NSMF: variants seen among roughly 807,000 people sequenced by gnomAD.
The protein encoded by NSMF is NMDA receptor synaptonuclear signaling and neuronal migration factor.
A neutral mutation model predicts 71.0 loss-of-function variants in NSMF; 31 were observed. The ratio of observed to expected loss-of-function variants is 0.44; its 90% confidence interval spans 0.33 to 0.59. NSMF has a LOEUF of 0.59. Ranked by LOEUF, NSMF falls within the 20% of genes least tolerant of loss-of-function variation. NSMF has a pLI of 0.04. For synonymous variants in NSMF, 345 were observed against 287.1 expected (o/e 1.20, Z -2.04); for missense variants, 673 against 740.5 (o/e 0.91, Z 1.06).
intron 12 of NSMF, 140 bp from the exon 13 acceptor site, chr9:137,450,395 G>T (rs1318774310): frequency 1.7e-6 from 1 of 571,892 alleles, no homozygotes; most frequent in East Asian, 3.2e-5. Flanking sequence ...CCCACCACAC[G>T]TCTTTCCCTT....
chr9:137,453,049 G>A lies in NSMF; in HGVS notation c.1047+7C>T. The A allele has an allele frequency of 2.5e-6, 4 of 1,612,262 alleles. No individual in the cohort carries two copies. Among genetic ancestry groups the A allele is most frequent in the Non-Finnish European group, 3.4e-6 (4 of 1,179,898 alleles). On this transcript the variant is annotated splice_region_variant and intron_variant, in intron 9 of 15. Coordinates refer to ENST00000371475, the MANE Select transcript of NSMF (RefSeq NM_001130969.3). This position sits in a 1 kb window ranked among gnomAD's most constrained non-coding sequence, Gnocchi z 4.5. Reference sequence around the variant, plus strand: ...TGTAGAGGAGCACTGCCCGGGCTGGGCCTCACCATGACCTTTGGTGGCACG... The same window carrying A: ...TGTAGAGGAGCACTGCCCGGGCTGGACCTCACCATGACCTTTGGTGGCACG...
chr9:137,458,006 TG>T, intron 2 of NSMF, 105 bp from the exon 3 acceptor site: 1 of 1,492,790 alleles, frequency 6.7e-7, no homozygotes, highest in Non-Finnish European at 9.0e-7. Context: ...CTGGCCTCTG[TG>T]GGGGACTAGG....
rs1248339962 is a variant in NSMF at position 137,449,937 on chromosome 9, G to A, written c.1405C>T (p.Pro469Ser). ...HIMGCYILGN[P>S]NGEKLFQNLR... ...GGTCACTGTACCTTCTCTCCATTGG[G>A]GTTCCCCAGAATGTAGCAGCCCATG... The change falls in exon 14 of 16, where the codon CCC becomes TCC. Residue 469 changes from proline (P) to serine (S), a missense_variant. Pro to Ser is a moderately conservative substitution (Grantham distance 74, BLOSUM62 -1). This residue lies in a region of NSMF where 202 missense variants were observed against 280.8 expected (regional missense o/e 0.72). Coordinates refer to ENST00000371475, the MANE Select transcript of NSMF (RefSeq NM_001130969.3). The A allele has an allele frequency of 6.2e-7, 1 of 1,613,002 alleles. No homozygotes were observed. Among genetic ancestry groups the A allele is most frequent in the Non-Finnish European group, 8.5e-7 (1 of 1,179,778 alleles).
Position 137,453,230 on chromosome 9 carries a change from T to C in NSMF, c.923-50A>G, listed in dbSNP as rs2131981218. 3.7e-6 allele frequency: 6 copies of C among 1,608,192 alleles called. No individual in the cohort carries two copies. In the African/African-American group the frequency reaches 4.0e-5, roughly 11 times the overall value. ...ACAGCAGGCCCGGCAGCACCTCCTA[T>C]CCTGGCCATGGCCCCAAGGCCCACA... is the stretch of plus-strand genomic sequence containing the variant. On this transcript the variant is annotated intron_variant, in intron 8 of 15. Coordinates refer to ENST00000371475, the MANE Select transcript of NSMF (RefSeq NM_001130969.3). This position sits in a 1 kb window ranked among gnomAD's most constrained non-coding sequence, Gnocchi z 4.5.
At chr9:137,454,806 G>A (rs1387357959) in intron 6 of NSMF, 2 of 1,359,572 alleles carry the variant, frequency 1.5e-6, no homozygotes, top group Non-Finnish European at 1.9e-6. Context: ...CAGCAGAGCG[G>A]GGCTCCTGTC....
At chr9:137,455,044 G>T in intron 6 of NSMF, 195 bp downstream of exon 6, 1 of 741,450 alleles carries the variant, frequency 1.3e-6, no homozygotes, top group Non-Finnish European at 2.5e-6. Context: ...CCCTCGGAGT[G>T]CAGGACTGAG....
chr9:137,456,295 G>T, intron 4 of NSMF, 116 bp downstream of exon 4: 1 of 864,740 alleles, frequency 1.2e-6, no homozygotes, highest in Non-Finnish European at 2.0e-6. Flanking sequence ...TAGGCACGTG[G>T]GTCTGTTCAG....
At position 137,449,874 on chromosome 9, in the gene NSMF, A is replaced by G. The variant is rs1268073445; in HGVS notation, c.1419+49T>C. On this transcript the variant is annotated intron_variant, in intron 14 of 15. Transcript: ENST00000371475. ...ATGGAAGGCTCTGCCCTGTCTGTCC[A>G]CGTCGGGGGTTTCCAGAGGTCTGGG... 3 of 1,497,328 alleles carry G rather than the reference A, an allele frequency of 2.0e-6. No homozygotes were observed. In the South Asian group the frequency reaches 3.4e-5, roughly 17 times the overall value. 92.8% of individuals were successfully genotyped at this position (1,497,328 alleles called of 1,614,324 possible).
intron 3 of NSMF, among the ~76,000 whole-genome samples, chr9:137,457,173 G>A (rs879837641): frequency 6.6e-6 from 1 of 152,214 alleles, no homozygotes; most frequent in African/African-American, 2.4e-5. Context: ...GGTGCTAGCA[G>A]GGCGAAAGCG....
Position 137,448,958 on chromosome 9 carries a change from A to C in NSMF, c.*436T>G, listed in dbSNP as rs1441576920. 6.3e-6 allele frequency: 2 copies of C among 318,918 alleles called. No homozygotes were observed. The highest frequency in any genetic ancestry group is 1.2e-5 in the Non-Finnish European group (2 of 162,886). 19.8% of individuals were successfully genotyped at this position (318,918 alleles called of 1,614,324 possible). The stretch of plus-strand genomic sequence containing the variant: ...GGTGGGCAGGGAGGGTCCTGAACAC[A>C]TGTGGGCTGCTGGGCTGCTGGGCCG... On this transcript the variant is annotated 3_prime_UTR_variant, in exon 16 of 16. Coordinates refer to ENST00000371475, the MANE Select transcript of NSMF (RefSeq NM_001130969.3). This position sits in a 1 kb window ranked among gnomAD's most constrained non-coding sequence, Gnocchi z 5.3.
intron 7 of NSMF, 26 bp downstream of exon 7, chr9:137,454,365 C>G (rs776597417): frequency 3.1e-4 from 474 of 1,548,390 alleles, no homozygotes; most frequent in Non-Finnish European, 3.5e-4. Context: ...ACGCCGCCCC[C>G]CCACCCCCGC....
chr9:137,452,333 C>T, intron 12 of NSMF, 32 bp downstream of exon 12: 1 of 1,556,848 alleles, frequency 6.4e-7, no homozygotes, highest in Admixed American at 1.7e-5. Context: ...CACGATTCTT[C>T]TCCTGGTCAG....
intron 6 of NSMF, 29 bp downstream of exon 6, chr9:137,455,210 C>T: frequency 6.2e-7 from 1 of 1,607,022 alleles, no homozygotes; most frequent in South Asian, 1.1e-5. Context: ...AGAGATGGAC[C>T]CTGGTGGCGA....
chr9:137,453,252 C>T lies in NSMF; in HGVS notation c.923-72G>A. 1 of 1,598,940 alleles carries T rather than the reference C, an allele frequency of 6.3e-7. No individual in the cohort carries two copies. The highest frequency in any genetic ancestry group is 1.1e-5 in the South Asian group (1 of 90,230). The stretch of plus-strand genomic sequence containing the variant: ...CTATCCTGGCCATGGCCCCAAGGCC[C>T]ACAGGGCCCGAAAGCCCCATCCCGG... On this transcript the variant is annotated intron_variant, in intron 8 of 15. Transcript: ENST00000371475. This position sits in a 1 kb window ranked among gnomAD's most constrained non-coding sequence, Gnocchi z 4.5.
At chr9:137,456,260 C>G in intron 4 of NSMF, 151 bp downstream of exon 4, 1 of 749,188 alleles carries the variant, frequency 1.3e-6, no homozygotes, top group South Asian at 1.4e-5. Context: ...TCAGCCCTGG[C>G]CTCCCTGGCA....
chr9:137,453,000 G>C, intron 9 of NSMF, 56 bp downstream of exon 9: 1 of 1,608,518 alleles, frequency 6.2e-7, no homozygotes, highest in Non-Finnish European at 8.5e-7. Context: ...CTGGACTCGG[G>C]TTGGGGCGGA....
At chr9:137,458,737 C>T (rs1831004468) in intron 1 of NSMF, among the ~76,000 whole-genome samples, 188 bp from the exon 2 acceptor site, 1 of 152,140 alleles carries the variant, frequency 6.6e-6, no homozygotes, top group African/African-American at 2.4e-5. Context: ...GCAGGCCCGG[C>T]CCCTGCCCGT....
intron 1 of NSMF, 94 bp from the exon 2 acceptor site, chr9:137,458,643 C>G: frequency 1.6e-6 from 2 of 1,234,582 alleles, no homozygotes; most frequent in Non-Finnish European, 2.3e-6. Flanking sequence ...CCCAGCCAGG[C>G]CCTCGGCGTC....
In NSMF at chr9:137,453,234, GGCCA is replaced by G; in HGVS notation, c.923-58_923-55del. 6.2e-7 allele frequency: 1 copy of G among 1,607,478 alleles called. No homozygotes were observed. Among genetic ancestry groups the G allele is most frequent in the African/African-American group, 1.3e-5 (1 of 74,976 alleles). Reference sequence around the variant, plus strand: ...CAGGCCCGGCAGCACCTCCTATCCTGGCCATGGCCCCAAGGCCCACAGGGCCCGA... The same window carrying G: ...CAGGCCCGGCAGCACCTCCTATCCTGTGGCCCCAAGGCCCACAGGGCCCGA... On this transcript the variant is annotated intron_variant, in intron 8 of 15. Coordinates refer to ENST00000371475, the MANE Select transcript of NSMF (RefSeq NM_001130969.3). This position sits in a 1 kb window ranked among gnomAD's most constrained non-coding sequence, Gnocchi z 4.5.
Sources: allele counts gnomAD v4.1 joint callset (sites outside exome capture counted in the v4.1 genomes callset), GRCh38; gene constraint gnomAD v4.1.1; regional missense constraint gnomAD v4.1.1; non-coding constraint Gnocchi (gnomAD v3.1); transcripts MANE v1.5; gene names NCBI Gene and HGNC (gene_info 2026-07-23, HGNC 2026-07-21).